ZHX2: variants seen among roughly 807,000 people sequenced by gnomAD.
The protein encoded by ZHX2 is zinc fingers and homeoboxes 2, also known as zinc fingers and homeoboxes protein 2.
In ZHX2, 6 loss-of-function variants were observed where a neutral mutation model predicts 21.9. The observed-to-expected ratio is 0.27, with a 90% confidence interval of 0.15 to 0.54. The LOEUF is 0.54. ZHX2 is among the 20% of genes least tolerant of loss of function. The probability of loss-of-function intolerance (pLI) is 0.95; values close to 1 mark genes in which losing one functional copy is unlikely to be tolerated. For missense variants in ZHX2, 908 were observed against 1,090.7 expected, an observed-to-expected ratio of 0.83 and a Z score of 2.36; for synonymous variants, 434 against 437.1, an observed-to-expected ratio of 0.99 and a Z score of 0.09.
chr8:122,869,112 G>C (rs1819370543), intron 2 of ZHX2, among the ~76,000 whole-genome samples: 3 of 152,094 alleles, frequency 2.0e-5, no homozygotes, highest in Non-Finnish European at 2.9e-5. Context: ...CTTCTCTCTT[G>C]TCCTCTCCCC....
At chr8:122,805,084 C>T (rs542297459) in intron 1 of ZHX2, among the ~76,000 whole-genome samples, 13 of 152,130 alleles carry the variant, frequency 8.5e-5, no homozygotes, top group Non-Finnish European at 1.5e-4. Context: ...TAGTTTGGGT[C>T]CCCCAGATGC....
intron 1 of ZHX2, among the ~76,000 whole-genome samples, chr8:122,823,961 T>A (rs1002837896): frequency 6.6e-6 from 1 of 152,256 alleles, no homozygotes; most frequent in Non-Finnish European, 1.5e-5. Flanking sequence ...CCTAGAACAC[T>A]GTCTAACTTA....
At chr8:122,955,248 CTGGTGGGAGGGA>C (rs1157552301) in intron 3 of ZHX2, among the ~76,000 whole-genome samples, 1 of 113,552 alleles carries the variant, frequency 8.8e-6, no homozygotes, top group Non-Finnish European at 1.8e-5. Flanking sequence ...AGGGGGAGGG[CTGGTGGGAGGGA>C]AAGCAAATAT....
At chr8:122,784,667 A>G (rs756580385) in intron 1 of ZHX2, among the ~76,000 whole-genome samples, 1 of 152,260 alleles carries the variant, frequency 6.6e-6, no homozygotes, top group East Asian at 1.9e-4. Flanking sequence ...TATACTAATA[A>G]GAACCCATAG....
intron 1 of ZHX2, among the ~76,000 whole-genome samples, chr8:122,787,422 A>C (rs867771008): frequency 2.6e-5 from 4 of 152,370 alleles, no homozygotes; most frequent in Middle Eastern, 3.4e-3. Flanking sequence ...CTATTGATCC[A>C]TGAGGGGTCA....
chr8:122,928,563 G>A (rs577838777), intron 2 of ZHX2, among the ~76,000 whole-genome samples: 151 of 152,268 alleles, frequency 9.9e-4, no homozygotes, highest in Non-Finnish European at 1.3e-3. Flanking sequence ...AGAGATTTAG[G>A]GGAGATTTGC....
chr8:122,901,063 G>A (rs1315451915), intron 2 of ZHX2, among the ~76,000 whole-genome samples: 1 of 152,084 alleles, frequency 6.6e-6, no homozygotes, highest in Non-Finnish European at 1.5e-5. Context: ...GATTTATTGG[G>A]TATTGTTGCT....
At chr8:122,895,922 C>T (rs532493590) in intron 2 of ZHX2, among the ~76,000 whole-genome samples, 2 of 152,276 alleles carry the variant, frequency 1.3e-5, no homozygotes, top group Admixed American at 6.5e-5. Flanking sequence ...TCAGCTCACT[C>T]TTATTTTTTT....
In ZHX2 at chr8:122,953,980, G is replaced by A; in HGVS notation, c.2470G>A (p.Glu824Lys). The A allele has an allele frequency of 1.2e-6, 2 of 1,612,708 alleles. No individual in the cohort carries two copies. Among genetic ancestry groups the A allele is most frequent in the African/African-American group, 1.3e-5 (1 of 75,034 alleles). ...AAAEGVSELA[E>K]SDSDCVPAEA... ...GGCAGAAGGTGTGTCGGAACTGGCT[G>A]AATCAGACTCCGACTGCGTCCCTGC... The change falls in exon 3 of 4, where the codon GAA becomes AAA. Residue 824 changes from glutamate (E) to lysine (K), a missense_variant. Glu to Lys is a moderately conservative substitution (Grantham distance 56). Coordinates refer to ENST00000314393, the MANE Select transcript of ZHX2 (RefSeq NM_014943.5). This position sits in a 1 kb window ranked among gnomAD's most constrained non-coding sequence, Gnocchi z 4.6.
At chr8:122,831,917 G>A (rs1818386910) in intron 1 of ZHX2, among the ~76,000 whole-genome samples, 1 of 152,314 alleles carries the variant, frequency 6.6e-6, no homozygotes, top group South Asian at 2.1e-4. Context: ...TTCTTGGGAG[G>A]TGGTGCCTAG....
At chr8:122,784,897 C>T (rs1817362687) in intron 1 of ZHX2, among the ~76,000 whole-genome samples, 1 of 152,202 alleles carries the variant, frequency 6.6e-6, no homozygotes, top group African/African-American at 2.4e-5. Context: ...ATGCAGAGCG[C>T]ATAACCAGAT....
chr8:122,971,522 C>T (rs1336209081), intron 3 of ZHX2, among the ~76,000 whole-genome samples: 1 of 143,406 alleles, frequency 7.0e-6, no homozygotes, highest in Non-Finnish European at 1.5e-5. Flanking sequence ...GTGCGTTTAA[C>T]ATCCAGATGT....
At chr8:122,819,905 C>A (rs1433581807) in intron 1 of ZHX2, among the ~76,000 whole-genome samples, 1 of 152,204 alleles carries the variant, frequency 6.6e-6, no homozygotes, top group Non-Finnish European at 1.5e-5. Flanking sequence ...ATCTGCTTGG[C>A]CAAAGCCCCA....
At chr8:122,868,545 C>CA (rs1407857055) in intron 2 of ZHX2, among the ~76,000 whole-genome samples, 6 of 151,660 alleles carry the variant, frequency 4.0e-5, no homozygotes, top group African/African-American at 1.4e-4. Context: ...ACTAAAAATA[C>CA]AAAAAATTAG....
intron 1 of ZHX2, among the ~76,000 whole-genome samples, chr8:122,786,302 C>G (rs372427964): frequency 6.6e-6 from 1 of 152,174 alleles, no homozygotes; most frequent in African/African-American, 2.4e-5. Context: ...TTGGCCATGA[C>G]CTTCACCATT....
intron 1 of ZHX2, among the ~76,000 whole-genome samples, chr8:122,798,727 G>C (rs1817660243): frequency 6.6e-6 from 1 of 151,850 alleles, no homozygotes; most frequent in South Asian, 2.1e-4. Flanking sequence ...AGGTTGCAGT[G>C]AGTGGAGGTT....
intron 2 of ZHX2, among the ~76,000 whole-genome samples, chr8:122,898,776 T>C (rs1164684438): frequency 6.6e-6 from 1 of 152,264 alleles, no homozygotes; most frequent in African/African-American, 2.4e-5. Context: ...CATAACCATT[T>C]AATAGATAGG....
At chr8:122,909,939 C>A (rs1421884959) in intron 2 of ZHX2, among the ~76,000 whole-genome samples, 2 of 152,158 alleles carry the variant, frequency 1.3e-5, no homozygotes, top group Non-Finnish European at 2.9e-5. Context: ...CCCCTCCCAC[C>A]AGCTTACCTC....
intron 1 of ZHX2, among the ~76,000 whole-genome samples, chr8:122,859,431 A>G (rs1468406061): frequency 6.6e-6 from 1 of 152,210 alleles, no homozygotes; most frequent in Non-Finnish European, 1.5e-5. Flanking sequence ...AGCACTTTAT[A>G]TGTATCACCT....
Sources: allele counts gnomAD v4.1 joint callset (sites outside exome capture counted in the v4.1 genomes callset), GRCh38; gene constraint gnomAD v4.1.1; non-coding constraint Gnocchi (gnomAD v3.1); transcripts MANE v1.5; gene names NCBI Gene and HGNC (gene_info 2026-07-23, HGNC 2026-07-21).